DMD: variants seen among roughly 807,000 people sequenced by gnomAD.
The protein encoded by DMD is dystrophin, also known as mutant dystrophin.
In DMD, 63 loss-of-function variants were observed where a neutral mutation model predicts 330.1. The ratio of observed to expected loss-of-function variants is 0.19; its 90% CI spans 0.16 to 0.24. The LOEUF (loss-of-function observed/expected upper bound fraction) is 0.24, where lower values mean the gene tolerates loss of function less well. Ranked by LOEUF, DMD falls within the 10% of genes least tolerant of loss-of-function variation. DMD has a pLI of 1.00. For synonymous variants in DMD, 1,223 were observed against 959.8 expected, an observed-to-expected ratio of 1.27 and a Z score of -5.07; for missense variants, 3,344 against 2,684.1, an observed-to-expected ratio of 1.25 and a Z score of -5.43.
At chrX:32,758,064 A>G (rs2071741045) in intron 7 of DMD, among the ~76,000 whole-genome samples, 1 of 112,011 alleles carries the variant, frequency 8.9e-6, no homozygotes, top group Admixed American at 9.4e-5. Flanking sequence ...ACAGTTACCT[A>G]TTATGGTCAT....
At chrX:32,148,123 C>T (rs940463335) in intron 44 of DMD, among the ~76,000 whole-genome samples, 7 of 110,179 alleles carry the variant, frequency 6.4e-5, no homozygotes, top group East Asian at 5.7e-4. Flanking sequence ...GTGATCAGCC[C>T]GCCTCGGCCT....
chrX:32,033,435 T>G (rs1390238973), intron 44 of DMD, among the ~76,000 whole-genome samples: 1 of 109,886 alleles, frequency 9.1e-6, no homozygotes, highest in Admixed American at 9.8e-5. Context: ...CAATGTATCC[T>G]AAATAACAGG....
chrX:32,614,876 GT>G (rs1179366867), intron 11 of DMD, among the ~76,000 whole-genome samples: 34 of 103,883 alleles, frequency 3.3e-4, no homozygotes, highest in African/African-American at 4.8e-4. Flanking sequence ...CTGGACTTGT[GT>G]TTTTTTTTTT....
At chrX:33,230,479 T>C (rs1423695961) in intron 1 of DMD, among the ~76,000 whole-genome samples, 2 of 111,512 alleles carry the variant, frequency 1.8e-5, no homozygotes, top group East Asian at 2.8e-4. Context: ...TCATCATACA[T>C]TGTGGATGTA....
intron 6 of DMD, among the ~76,000 whole-genome samples, chrX:32,815,063 G>A (rs2077625032): frequency 9.0e-6 from 1 of 111,030 alleles, no homozygotes; most frequent in Non-Finnish European, 1.9e-5. Flanking sequence ...GAGAAACAAT[G>A]TGTTAACGCT....
intron 60 of DMD, among the ~76,000 whole-genome samples, chrX:31,400,328 G>T (rs957950252): frequency 5.4e-5 from 6 of 110,992 alleles, no homozygotes; most frequent in Non-Finnish European, 1.1e-4. Flanking sequence ...TGACCTGGAA[G>T]CCCCTCCTTG....
intron 7 of DMD, among the ~76,000 whole-genome samples, chrX:32,797,603 TG>T (rs778561327): frequency 8.9e-6 from 1 of 112,186 alleles, no homozygotes; most frequent in Admixed American, 9.4e-5. Flanking sequence ...TACCAATAGA[TG>T]TTTTTAATAT....
intron 7 of DMD, among the ~76,000 whole-genome samples, chrX:32,730,385 A>G (rs1188743074): frequency 8.9e-6 from 1 of 112,098 alleles, no homozygotes; most frequent in Non-Finnish European, 1.9e-5. Context: ...AAGTAAATGC[A>G]TAGATATGTG....
intron 11 of DMD, among the ~76,000 whole-genome samples, chrX:32,626,328 G>T (rs1016926885): frequency 9.5e-6 from 1 of 104,910 alleles, no homozygotes; most frequent in African/African-American, 4.0e-5. Flanking sequence ...TTAGCTGGGC[G>T]TGGTGGCAAG....
At chrX:32,738,113 T>C (rs1454906646) in intron 7 of DMD, among the ~76,000 whole-genome samples, 4 of 111,641 alleles carry the variant, frequency 3.6e-5, no homozygotes, top group Admixed American at 9.5e-5. Flanking sequence ...AACTGATGAA[T>C]AAACCTGATT....
intron 9 of DMD, among the ~76,000 whole-genome samples, chrX:32,668,875 T>G (rs1468157070): frequency 1.8e-5 from 2 of 111,160 alleles, no homozygotes; most frequent in Non-Finnish European, 3.8e-5. Context: ...AGTTAAATAC[T>G]AATGGGATTA....
At chrX:33,013,806 T>C (rs923270336) in intron 2 of DMD, among the ~76,000 whole-genome samples, 13 of 93,734 alleles carry the variant, frequency 1.4e-4, no homozygotes, top group African/African-American at 4.8e-4. Flanking sequence ...GTTTACTGGG[T>C]GTGTGTATAT....
chrX:31,126,643 T>A lies in DMD; in HGVS notation c.11045A>T (p.Glu3682Val). 2 of 1,200,956 alleles carry A rather than the reference T, an allele frequency of 1.7e-6. No homozygotes were observed. The highest frequency in any genetic ancestry group is 2.3e-6 in the Non-Finnish European group (2 of 886,578). The change falls in exon 78 of 79, where the codon GAG becomes GTG. Residue 3682 changes from glutamate to valine, a missense_variant and splice_region_variant. Glu to Val is a moderately radical substitution (Grantham distance 121). Transcript: ENST00000357033. ...GCCGTGAGCCTGAATCTCACTAACC[T>A]CTCTCATTGGCTTTCCAGGGGTATT... ...GRNTPGKPMR[E>V]DTM
intron 43 of DMD, among the ~76,000 whole-genome samples, chrX:32,281,981 A>G (rs1161125917): frequency 8.9e-6 from 1 of 112,306 alleles, no homozygotes; most frequent in African/African-American, 3.2e-5. Flanking sequence ...GAATTCCAAG[A>G]AGGAAATACT....
intron 44 of DMD, among the ~76,000 whole-genome samples, chrX:32,015,886 T>A (rs765445270): frequency 1.4e-4 from 16 of 111,940 alleles, no homozygotes; most frequent in African/African-American, 5.2e-4. Context: ...GTAATTCTCA[T>A]TAGATGCTGA....
chrX:32,159,412 A>G (rs900857208), intron 44 of DMD, among the ~76,000 whole-genome samples: 2 of 112,036 alleles, frequency 1.8e-5, no homozygotes, highest in Non-Finnish European at 3.8e-5. Context: ...TATAATCAGT[A>G]CATTTTTTCT....
chrX:33,096,663 C>G (rs67526434), intron 1 of DMD, among the ~76,000 whole-genome samples: 2,825 of 111,032 alleles, frequency 0.025, 100 homozygotes, highest in African/African-American at 0.087. Flanking sequence ...CACCACCACA[C>G]CTGGCTAATC....
intron 51 of DMD, among the ~76,000 whole-genome samples, chrX:31,752,688 C>G (rs988132602): frequency 9.0e-6 from 1 of 111,269 alleles, no homozygotes; most frequent in African/African-American, 3.3e-5. Flanking sequence ...TCAGATAAAG[C>G]TCTTATCTTT....
chrX:32,792,212 A>T (rs1409223731), intron 7 of DMD, among the ~76,000 whole-genome samples: 1 of 111,658 alleles, frequency 9.0e-6, no homozygotes, highest in Non-Finnish European at 1.9e-5. Flanking sequence ...TATCACCATG[A>T]TACTGGCCTT....
Sources: allele counts gnomAD v4.1 joint callset (sites outside exome capture counted in the v4.1 genomes callset), GRCh38; gene constraint gnomAD v4.1.1; transcripts MANE v1.5; gene names NCBI Gene and HGNC (gene_info 2026-07-23, HGNC 2026-07-21).